BEGAIN: variants seen among roughly 807,000 people sequenced by gnomAD.
BEGAIN encodes the protein brain enriched guanylate kinase associated.
BEGAIN carries 19 observed loss-of-function variants against 35.8 expected under a neutral mutation model. The ratio of observed to expected loss-of-function variants is 0.53; its 90% CI spans 0.37 to 0.78. The LOEUF is 0.78. Among genes scored for constraint, BEGAIN ranks in the 30% least tolerant of loss-of-function variants. BEGAIN has a pLI of 0.00. For synonymous variants in BEGAIN, 462 were observed against 388.6 expected (o/e 1.19, Z -2.22); for missense variants, 795 against 853.6 (o/e 0.93, Z 0.85).
Position 100,540,596 on chromosome 14 carries a change from G to C in BEGAIN, c.409-17C>G, listed in dbSNP as rs755032451. 7 of 1,578,292 alleles carry C rather than the reference G, an allele frequency of 4.4e-6. No individual in the cohort carries two copies. Among genetic ancestry groups the C allele is most frequent in the Non-Finnish European group, 6.0e-6 (7 of 1,159,928 alleles). ...ATAGAGCTCCTAAAAGACAAGAGAA[G>C]GCGTTTGGCGCCATTCACCCCAGCC... On this transcript the variant is annotated splice_polypyrimidine_tract_variant and intron_variant, in intron 5 of 6. Transcript: ENST00000554140.
rs1273560314 is a variant in BEGAIN, at chr14:100,538,693, G to T, written c.1115C>A (p.Thr372Lys). The change falls in exon 7 of 7, where the codon ACG (threonine) becomes AAG (lysine). Residue 372 changes from threonine (T) to lysine (K), a missense_variant. Around this residue, in one of 3 missense-constraint regions of BEGAIN, gnomAD observed 664 missense variants for 647.7 expected, o/e 1.03. Transcript: ENST00000554140. Reference sequence around the variant, plus strand: ...CTCCAGCGGGGCCGCCACCGCGGCCGTGGCCTTGGCAAAGCGAGGGCTGCC... The same window carrying T: ...CTCCAGCGGGGCCGCCACCGCGGCCTTGGCCTTGGCAAAGCGAGGGCTGCC... Reference protein sequence around the residue: ...YEGSPRFAKATAAVAAPLEAE... With the variant: ...YEGSPRFAKAKAAVAAPLEAE... 2 of 1,557,244 alleles carry T rather than the reference G, an allele frequency of 1.3e-6. No individual in the cohort carries two copies. The highest frequency in any genetic ancestry group is 8.7e-7 in the Non-Finnish European group (1 of 1,150,840).
At position 100,558,067 on chromosome 14, in the gene BEGAIN, T is replaced by C. The variant is rs758804637; in HGVS notation, c.71+9844A>G. Among the ~76,000 whole-genome samples, 2 of 152,144 alleles carry C rather than the reference T, an allele frequency of 1.3e-5. No individual in the cohort carries two copies. Among genetic ancestry groups the C allele is most frequent in the African/African-American group, 4.8e-5 (2 of 41,434 alleles). ...GGCTCCAGCTAGTCTCCCTCGCTCC[T>C]GAACCATCCATTTTTCCCTCGCTTC... On this transcript the variant is annotated intron_variant, in intron 2 of 6. Coordinates refer to ENST00000554140, the MANE Select transcript of BEGAIN (RefSeq NM_001385089.1). This position sits in a 1 kb window ranked among gnomAD's most constrained non-coding sequence, Gnocchi z 4.6.
In BEGAIN at chr14:100,586,188, G is replaced by A. The variant is rs566484232; in HGVS notation, c.42+1061C>T. On this transcript the variant is annotated intron_variant, in intron 1 of 6. Coordinates refer to ENST00000554140, the MANE Select transcript of BEGAIN (RefSeq NM_001385089.1). This position sits in a 1 kb window ranked among gnomAD's most constrained non-coding sequence, Gnocchi z 4.9. ...GAGCCTGGCCCTGGGAGTAGTGGGG[G>A]TCTCTGCTGCTCTTGGCAGGCAGAG... 1.3e-5 allele frequency among the ~76,000 whole-genome samples: 2 copies of A among 152,280 alleles called. No individual in the cohort carries two copies. Among genetic ancestry groups the A allele is most frequent in the East Asian group, 3.9e-4 (2 of 5,154 alleles).
In BEGAIN at chr14:100,568,742, C is replaced by A. The variant is rs1175883823; in HGVS notation, c.43-803G>T. Among the ~76,000 whole-genome samples the A allele has an allele frequency of 8.6e-5, 13 of 151,912 alleles. No homozygotes were observed. In the East Asian group the frequency reaches 2.3e-3, roughly 27 times the overall value. ...GGCGAGCGACGGGGACCGCGAGCGGCCCGGGCGGGATCGCACTTCCTGCGT... is the reference window on the plus strand; with the variant it reads ...GGCGAGCGACGGGGACCGCGAGCGGACCGGGCGGGATCGCACTTCCTGCGT... On this transcript the variant is annotated intron_variant, in intron 1 of 6. Coordinates refer to ENST00000554140, the MANE Select transcript of BEGAIN (RefSeq NM_001385089.1). The surrounding 1 kb of genome is among the most constrained non-coding windows in gnomAD (Gnocchi z 7.5).
At chr14:100,556,816 G>C (rs1208965459) in intron 2 of BEGAIN, among the ~76,000 whole-genome samples, 4 of 152,196 alleles carry the variant, frequency 2.6e-5, no homozygotes, top group Non-Finnish European at 5.9e-5. Context: ...CCCCTAGTGA[G>C]GGGACAGCTG....
chr14:100,571,956 A>T (rs1413114470), intron 1 of BEGAIN, among the ~76,000 whole-genome samples: 1 of 152,204 alleles, frequency 6.6e-6, no homozygotes, highest in Non-Finnish European at 1.5e-5. Flanking sequence ...CTGCCGCTGC[A>T]TCTCCCTGTG....
intron 1 of BEGAIN, among the ~76,000 whole-genome samples, chr14:100,582,649 T>TAC (rs1478940277): frequency 6.6e-6 from 1 of 152,140 alleles, no homozygotes; most frequent in Non-Finnish European, 1.5e-5. Context: ...ATAGGACATG[T>TAC]ACACAGCTGT....
Position 100,546,497 on chromosome 14 carries a change from T to A in BEGAIN, c.233+4A>T. The A allele has an allele frequency of 7.0e-7, 1 of 1,425,190 alleles. No individual in the cohort carries two copies. The highest frequency in any genetic ancestry group is 9.3e-7 in the Non-Finnish European group (1 of 1,074,262). The allele number at this position is 1,425,190 out of a possible 1,614,324, so 88.3% of individuals were successfully genotyped here. On this transcript the variant is annotated splice_donor_region_variant and intron_variant, in intron 3 of 6. Coordinates refer to ENST00000554140, the MANE Select transcript of BEGAIN (RefSeq NM_001385089.1). ...CCCGCCCCGGCCCTCGCCCCGCCCC[T>A]CACCTGCGCAGCTTCTCCGTGACCT...
At chr14:100,539,467 G>C in intron 6 of BEGAIN, 152 bp from the exon 7 acceptor site, 1 of 1,381,702 alleles carries the variant, frequency 7.2e-7, no homozygotes, top group Non-Finnish European at 9.5e-7. Flanking sequence ...TCACACCAGG[G>C]GGAGCCTGGA....
chr14:100,543,941 G>A lies in BEGAIN; in HGVS notation c.325C>T (p.Arg109Cys), dbSNP rs140676218. The change falls in exon 5 of 7, where the codon CGT (arginine) becomes TGT (cysteine). Residue 109 changes from arginine (R) to cysteine (C), a missense_variant. Arg to Cys is a radical substitution (Grantham distance 180). Transcript: ENST00000554140. ...GCAACAATCTCGTGGCTCAGCGCAC[G>A]CTTCTCCTCCTCATAGTGCTGGCCC... ...RMGQHYEEEK[R>C]ALSHEIVALN... 7 of 1,612,030 alleles carry A rather than the reference G, an allele frequency of 4.3e-6. No individual in the cohort carries two copies. Among genetic ancestry groups the A allele is most frequent in the Admixed American group, 3.3e-5 (2 of 59,884 alleles).
intron 5 of BEGAIN, among the ~76,000 whole-genome samples, chr14:100,541,944 C>G (rs193271874): frequency 6.6e-6 from 1 of 152,190 alleles, no homozygotes. Flanking sequence ...GTCGGAGTCC[C>G]GAGGTTGAGT....
chr14:100,579,981 C>T (rs1021543334), intron 1 of BEGAIN, among the ~76,000 whole-genome samples: 1 of 152,232 alleles, frequency 6.6e-6, no homozygotes, highest in South Asian at 2.1e-4. Flanking sequence ...CCCGGCCTAT[C>T]CCACAAACAC....
At chr14:100,580,629 C>G (rs1406429508) in intron 1 of BEGAIN, among the ~76,000 whole-genome samples, 1 of 152,176 alleles carries the variant, frequency 6.6e-6, no homozygotes, top group Non-Finnish European at 1.5e-5. Flanking sequence ...CTCTGTCCCT[C>G]AGATTAGATC....
At position 100,545,083 on chromosome 14, in the gene BEGAIN, G is replaced by T; in HGVS notation, c.234-17C>A. The T allele has an allele frequency of 6.2e-7, 1 of 1,612,934 alleles. No individual in the cohort carries two copies. The highest frequency in any genetic ancestry group is 1.1e-5 in the South Asian group (1 of 91,082). ...CTCTGAATCCTGGTGCAGGAGGCAAGGGGGTCACTGCCATGCAAGGCCTGT... is the reference window on the plus strand; with the variant it reads ...CTCTGAATCCTGGTGCAGGAGGCAATGGGGTCACTGCCATGCAAGGCCTGT... On this transcript the variant is annotated splice_polypyrimidine_tract_variant and intron_variant, in intron 3 of 6. Transcript: ENST00000554140.
chr14:100,575,119 C>T (rs1157590757), intron 1 of BEGAIN, among the ~76,000 whole-genome samples: 1 of 152,154 alleles, frequency 6.6e-6, no homozygotes, highest in Non-Finnish European at 1.5e-5. Flanking sequence ...AACCCAGGGT[C>T]CTCCTGGGGC....
At chr14:100,566,257 C>T (rs1010946856) in intron 2 of BEGAIN, among the ~76,000 whole-genome samples, 1 of 152,230 alleles carries the variant, frequency 6.6e-6, no homozygotes. Flanking sequence ...GGGACAGCAA[C>T]GCTGACGCCA....
At chr14:100,574,205 G>A (rs1281110651) in intron 1 of BEGAIN, among the ~76,000 whole-genome samples, 3 of 152,254 alleles carry the variant, frequency 2.0e-5, no homozygotes, top group African/African-American at 7.2e-5. Flanking sequence ...ATGGGAGAGG[G>A]AAGAGTGCTT....
intron 1 of BEGAIN, chr14:100,577,426 G>A: frequency 2.5e-6 from 1 of 399,446 alleles, no homozygotes; most frequent in Non-Finnish European, 4.4e-6. Context: ...AGCCTCAGTG[G>A]CCGCCTCCGA....
At position 100,586,548 on chromosome 14, in the gene BEGAIN, A is replaced by C. The variant is rs2035448553; in HGVS notation, c.42+701T>G. On this transcript the variant is annotated intron_variant, in intron 1 of 6. Coordinates refer to ENST00000554140, the MANE Select transcript of BEGAIN (RefSeq NM_001385089.1). The surrounding 1 kb of genome is among the most constrained non-coding windows in gnomAD (Gnocchi z 4.9). Reference sequence around the variant, plus strand: ...GGAAGGAAACACCTCTAAACCAAGCAGGAAGCGGAAACGCTGGGGCAGAAA... The same window carrying C: ...GGAAGGAAACACCTCTAAACCAAGCCGGAAGCGGAAACGCTGGGGCAGAAA... Among the ~76,000 whole-genome samples the C allele has an allele frequency of 1.3e-5, 2 of 152,142 alleles. No individual in the cohort carries two copies. The highest frequency in any genetic ancestry group is 6.5e-5 in the Admixed American group (1 of 15,288).
Sources: allele counts gnomAD v4.1 joint callset (sites outside exome capture counted in the v4.1 genomes callset), GRCh38; gene constraint gnomAD v4.1.1; regional missense constraint gnomAD v4.1.1; non-coding constraint Gnocchi (gnomAD v3.1); transcripts MANE v1.5; gene names NCBI Gene and HGNC (gene_info 2026-07-23, HGNC 2026-07-21).